Variants in AHCY observed in about 807,000 individuals in gnomAD.
AHCY encodes S-adenosyl-L-homocysteine hydrolase.
A neutral mutation model predicts 45.4 loss-of-function variants in AHCY; 24 were observed. The observed-to-expected ratio is 0.53, with a 90% confidence interval of 0.38 to 0.74. AHCY has a LOEUF of 0.74. Ranked by LOEUF, AHCY falls within the 30% of genes least tolerant of loss-of-function variation. The pLI is 0.00. For synonymous variants in AHCY, 245 were observed against 235.1 expected, an observed-to-expected ratio of 1.04 and a Z score of -0.39; for missense variants, 449 against 594.1, an observed-to-expected ratio of 0.76 and a Z score of 2.54.
the AHCY span, among the ~76,000 whole-genome samples, chr20:34,242,036 C>A: frequency 1.3e-5 from 2 of 152,066 alleles, no homozygotes; most frequent in African/African-American, 2.4e-5. Flanking sequence ...CATTTTAATG[C>A]CCATTAAAGG....
rs1226130417 is a variant in AHCY, at chr20:34,290,044, CCT to C, written c.972+286_972+287del. On this transcript the variant is annotated intron_variant, in intron 8 of 9. Transcript: ENST00000217426. The surrounding 1 kb of genome is among the most constrained non-coding windows in gnomAD (Gnocchi z 4.5). ...GGATTCTACGAGCCTCCTCTAAAAG[CCT>C]CTCTCCCCACCACCCGCCATTGTTG... is the stretch of plus-strand genomic sequence containing the variant. Among the ~76,000 whole-genome samples the C allele has an allele frequency of 1.3e-5, 2 of 152,190 alleles. No individual in the cohort carries two copies. The highest frequency in any genetic ancestry group is 2.9e-5 in the Non-Finnish European group (2 of 68,026).
chr20:34,235,521 G>A, the AHCY span, among the ~76,000 whole-genome samples: 1 of 152,084 alleles, frequency 6.6e-6, no homozygotes, highest in African/African-American at 2.4e-5. Context: ...TATGGGATAT[G>A]GAGAAACTTC....
chr20:34,249,704 T>A, the AHCY span, among the ~76,000 whole-genome samples: 1 of 152,168 alleles, frequency 6.6e-6, no homozygotes, highest in African/African-American at 2.4e-5. Flanking sequence ...CTCCTCCTTT[T>A]GTTAGTTACT....
At chr20:34,305,336 A>G (rs1379677235), upstream of AHCY, among the ~76,000 whole-genome samples, 1 of 152,052 alleles carries the variant, frequency 6.6e-6, no homozygotes, top group Admixed American at 6.5e-5. Flanking sequence ...AAAAATAAAA[A>G]ATAAAAATAA....
the AHCY span, chr20:34,269,429 A>G: frequency 2.2e-6 from 1 of 463,752 alleles, no homozygotes; most frequent in Non-Finnish European, 3.7e-6. Flanking sequence ...CCCGGGGCTC[A>G]GGAAACCCGG....
chr20:34,273,603 A>G, the AHCY span, among the ~76,000 whole-genome samples: 1 of 152,238 alleles, frequency 6.6e-6, no homozygotes, highest in Non-Finnish European at 1.5e-5. Flanking sequence ...GTCATACAGT[A>G]GGAACTTTAG....
the AHCY span, among the ~76,000 whole-genome samples, chr20:34,257,680 T>A: frequency 6.6e-6 from 1 of 152,222 alleles, no homozygotes; most frequent in Non-Finnish European, 1.5e-5. Context: ...TTATGATAAC[T>A]ATTCATGATG....
At position 34,296,922 on chromosome 20, in the gene AHCY, C is replaced by T. The variant is rs146834796; in HGVS notation, c.29-1337G>A. ...AATTTCAGAGATGAAACACGCCTCC[C>T]GCATGAGAGACCACTCCGGCTGTGC... On this transcript the variant is annotated intron_variant, in intron 1 of 9. Transcript: ENST00000217426. Among the ~76,000 whole-genome samples the T allele has an allele frequency of 6.8e-3, 1,035 of 152,194 alleles. 10 individuals are homozygous for T. The highest frequency in any genetic ancestry group is 0.024 in the African/African-American group (978 of 41,492).
the AHCY span, among the ~76,000 whole-genome samples, chr20:34,252,649 A>C: frequency 2.6e-5 from 4 of 152,042 alleles, no homozygotes. Flanking sequence ...TCTCAACTGC[A>C]AAGAGGCCTC....
At chr20:34,310,533 G>A (rs1205350) in intron 1 of AHCY, among the ~76,000 whole-genome samples, 116,716 of 152,160 alleles carry the variant, frequency 0.77, 47,081 homozygotes, top group Non-Finnish European at 0.88. Flanking sequence ...TTACAAACCC[G>A]CATGCCCTTT....
chr20:34,275,610 GTCTAGAT>G (rs894073127), downstream of AHCY, among the ~76,000 whole-genome samples: 1 of 151,988 alleles, frequency 6.6e-6, no homozygotes, highest in Non-Finnish European at 1.5e-5. Flanking sequence ...TGTAAAACAT[GTCTAGAT>G]TCAGCTACTC....
chr20:34,284,799 G>A (rs1371401287), intron 9 of AHCY, among the ~76,000 whole-genome samples: 1 of 152,082 alleles, frequency 6.6e-6, no homozygotes, highest in Non-Finnish European at 1.5e-5. Flanking sequence ...CTCTAGCCTG[G>A]GCAACAGAGT....
chr20:34,285,184 G>A (rs2036130869), intron 9 of AHCY, among the ~76,000 whole-genome samples: 1 of 152,204 alleles, frequency 6.6e-6, no homozygotes, highest in African/African-American at 2.4e-5. Context: ...AAACTGGGGT[G>A]TGTCCCGCTC....
chr20:34,263,333 G>A, the AHCY span, among the ~76,000 whole-genome samples: 1 of 152,352 alleles, frequency 6.6e-6, no homozygotes, highest in East Asian at 1.9e-4. Context: ...GGGAGGCCAA[G>A]GTGGGTGAAT....
the AHCY span, among the ~76,000 whole-genome samples, chr20:34,233,091 A>G: frequency 1.6e-3 from 218 of 137,300 alleles, no homozygotes; most frequent in Middle Eastern, 7.8e-3. Context: ...ATTCTTCCCC[A>G]CTCACACCAA....
chr20:34,292,241 C>A, intron 4 of AHCY, 117 bp downstream of exon 4: 4 of 1,360,702 alleles, frequency 2.9e-6, no homozygotes, highest in Non-Finnish European at 4.0e-6. Flanking sequence ...ATCCTCCCAT[C>A]TTCCAGATCC....
intron 3 of AHCY, chr20:34,293,689 T>TA: frequency 2.8e-6 from 1 of 353,868 alleles, no homozygotes; most frequent in Non-Finnish European, 5.5e-6. Context: ...CCATTCTCGT[T>TA]AGACTTGGTC....
upstream of AHCY, among the ~76,000 whole-genome samples, chr20:34,307,302 C>T (rs2036905603): frequency 6.6e-6 from 1 of 152,060 alleles, no homozygotes; most frequent in Admixed American, 6.6e-5. Context: ...GTTGGCCAGG[C>T]TGGTCTTGAA....
upstream of AHCY, among the ~76,000 whole-genome samples, chr20:34,304,970 G>C (rs1328590609): frequency 6.6e-6 from 1 of 151,288 alleles, no homozygotes; most frequent in South Asian, 2.1e-4. Flanking sequence ...TTACTGGCGT[G>C]AGCCACCGTG....
Sources: gnomAD v4.1 joint callset for allele counts (sites outside exome capture counted in the v4.1 genomes callset) on GRCh38, gnomAD v4.1.1 for gene constraint, Gnocchi (gnomAD v3.1) non-coding constraint, MANE v1.5 for transcripts, NCBI Gene and HGNC (gene_info 2026-07-23, HGNC 2026-07-21) for gene names.